The following CDH18 variants were observed in gnomAD, a reference collection of about 807,000 sequenced individuals.
CDH18 encodes cadherin-18.
A neutral mutation model predicts 67.9 loss-of-function variants in CDH18; 31 were observed. The ratio of observed to expected loss-of-function variants is 0.46; its 90% CI spans 0.34 to 0.62. CDH18 has a LOEUF of 0.62. Among genes scored for constraint, CDH18 ranks in the 20% least tolerant of loss-of-function variants. CDH18 has a pLI of 0.01. For synonymous variants in CDH18, 362 were observed against 347.2 expected, an observed-to-expected ratio of 1.04 and a Z score of -0.48; for missense variants, 890 against 975.5, an observed-to-expected ratio of 0.91 and a Z score of 1.17.
intron 2 of CDH18, among the ~76,000 whole-genome samples, chr5:20,004,294 G>C (rs7712302): frequency 0.23 from 35,566 of 152,168 alleles, 6,894 homozygotes; most frequent in African/African-American, 0.52. Flanking sequence ...ACAGCAAAGA[G>C]TATTACATCA....
At chr5:20,000,714 T>G (rs1736376654) in intron 2 of CDH18, among the ~76,000 whole-genome samples, 1 of 151,584 alleles carries the variant, frequency 6.6e-6, no homozygotes, top group South Asian at 2.1e-4. Context: ...CAGCCCCTAA[T>G]GGATGAGAGG....
At chr5:19,695,656 G>A (rs1762447418) in intron 5 of CDH18, among the ~76,000 whole-genome samples, 1 of 152,212 alleles carries the variant, frequency 6.6e-6, no homozygotes, top group South Asian at 2.1e-4. Context: ...CATCCTGGGG[G>A]GCTGTAATCA....
At chr5:20,135,314 C>T (rs535550264) in intron 2 of CDH18, among the ~76,000 whole-genome samples, 1 of 152,190 alleles carries the variant, frequency 6.6e-6, no homozygotes, top group South Asian at 2.1e-4. Flanking sequence ...CTGGTTTAGT[C>T]TTGGGAGGGT....
intron 2 of CDH18, among the ~76,000 whole-genome samples, chr5:19,964,577 A>T (rs1797238389): frequency 6.7e-6 from 1 of 149,626 alleles, no homozygotes; most frequent in African/African-American, 2.5e-5. Flanking sequence ...TGAGCCTTGG[A>T]GGTTGAGGCA....
At chr5:19,709,642 G>T (rs1345151618) in intron 5 of CDH18, among the ~76,000 whole-genome samples, 1 of 131,118 alleles carries the variant, frequency 7.6e-6, no homozygotes, top group African/African-American at 2.9e-5. Context: ...AAGAGAGAGA[G>T]AAAAAGGAGA....
intron 6 of CDH18, among the ~76,000 whole-genome samples, chr5:19,598,117 T>C (rs571580185): frequency 6.6e-6 from 1 of 152,190 alleles, no homozygotes; most frequent in East Asian, 1.9e-4. Context: ...CTCTCTAGAG[T>C]TTTAGAACAC....
chr5:20,289,010 T>A (rs1401163318), intron 1 of CDH18, among the ~76,000 whole-genome samples: 1 of 152,012 alleles, frequency 6.6e-6, no homozygotes, highest in Non-Finnish European at 1.5e-5. Flanking sequence ...ATTCTTTGGA[T>A]TCTTTTGTCA....
At chr5:20,388,417 C>T (rs1562023711) in intron 1 of CDH18, among the ~76,000 whole-genome samples, 1 of 145,360 alleles carries the variant, frequency 6.9e-6, no homozygotes, top group Non-Finnish European at 1.5e-5. Context: ...GGTGATATCC[C>T]CTTTATCATT....
intron 2 of CDH18, among the ~76,000 whole-genome samples, chr5:20,084,241 T>C (rs1744745261): frequency 6.6e-6 from 1 of 152,204 alleles, no homozygotes; most frequent in South Asian, 2.1e-4. Context: ...ACAGGTCCCA[T>C]GCAAGTCTGA....
intron 2 of CDH18, among the ~76,000 whole-genome samples, chr5:19,935,416 A>G (rs996482367): frequency 2.0e-5 from 3 of 151,406 alleles, no homozygotes; most frequent in Admixed American, 2.0e-4. Context: ...TGCTATTAAT[A>G]CAGTATTTTA....
At chr5:20,159,139 GA>G (rs1237407118) in intron 2 of CDH18, among the ~76,000 whole-genome samples, 1 of 152,138 alleles carries the variant, frequency 6.6e-6, no homozygotes, top group East Asian at 1.9e-4. Context: ...TTGACACTAA[GA>G]AGTGTTTTCT....
chr5:20,364,648 C>T (rs1311800509), intron 1 of CDH18, among the ~76,000 whole-genome samples: 1 of 152,076 alleles, frequency 6.6e-6, no homozygotes, highest in African/African-American at 2.4e-5. Context: ...GTACCATATC[C>T]ATAACATATT....
At chr5:19,932,312 G>C (rs1387201053) in intron 2 of CDH18, among the ~76,000 whole-genome samples, 1 of 151,702 alleles carries the variant, frequency 6.6e-6, no homozygotes, top group African/African-American at 2.4e-5. Context: ...ATTTTGCAGA[G>C]AATCTAAACT....
At chr5:20,465,555 G>T (rs1282853408) in intron 1 of CDH18, among the ~76,000 whole-genome samples, 1 of 151,910 alleles carries the variant, frequency 6.6e-6, no homozygotes, top group East Asian at 1.9e-4. Context: ...ACACATATCT[G>T]AAATACATAT....
intron 1 of CDH18, among the ~76,000 whole-genome samples, chr5:20,333,225 G>T (rs928600573): frequency 5.3e-5 from 8 of 152,044 alleles, no homozygotes; most frequent in African/African-American, 1.9e-4. Flanking sequence ...TATTTTTCAT[G>T]TGGCCGGGCA....
chr5:20,420,897 T>A (rs1021354040), intron 1 of CDH18, among the ~76,000 whole-genome samples: 5 of 151,296 alleles, frequency 3.3e-5, no homozygotes, highest in Non-Finnish European at 7.4e-5. Context: ...TTTGCATAGT[T>A]ACTGCTTTTT....
In CDH18 at chr5:19,503,022, T is replaced by G. The variant is rs776036430; in HGVS notation, c.1600A>C (p.Asn534His). The change falls in exon 11 of 13, where the codon AAT becomes CAT. Residue 534 changes from asparagine (N) to histidine (H), a missense_variant. Transcript: ENST00000382275. Reference protein sequence around the residue: ...NFFLDERLPVNPNFTLKDNED... With the variant: ...NFFLDERLPVHPNFTLKDNED... ...TTGTCCTTCAGAGTGAAGTTTGGAT[T>G]TACAGGCAGGCGTTCATCAAGAAAG... is the stretch of plus-strand genomic sequence containing the variant. 40 of 1,610,524 alleles carry G rather than the reference T, an allele frequency of 2.5e-5. No homozygotes were observed. Among genetic ancestry groups the G allele is most frequent in the Non-Finnish European group, 3.0e-5 (35 of 1,176,956 alleles).
chr5:20,312,489 G>A (rs1263976263), intron 1 of CDH18, among the ~76,000 whole-genome samples: 4 of 152,156 alleles, frequency 2.6e-5, no homozygotes, highest in Admixed American at 1.3e-4. Flanking sequence ...GCATTTGGAT[G>A]AAGAAATGAT....
chr5:20,242,756 T>C (rs1041879453), intron 2 of CDH18, among the ~76,000 whole-genome samples: 3 of 150,868 alleles, frequency 2.0e-5, no homozygotes, highest in African/African-American at 7.3e-5. Flanking sequence ...ATTTTTTAAT[T>C]AGAAAAATCC....
Sources: allele counts gnomAD v4.1 joint callset (sites outside exome capture counted in the v4.1 genomes callset), GRCh38; gene constraint gnomAD v4.1.1; transcripts MANE v1.5; gene names NCBI Gene and HGNC (gene_info 2026-07-23, HGNC 2026-07-21).